Variants in THADA observed in about 807,000 individuals in gnomAD.
THADA encodes THADA armadillo repeat containing, also known as tRNA (32-2'-O)-methyltransferase regulator THADA.
A neutral mutation model predicts 219.8 loss-of-function variants in THADA; 213 were observed. The ratio of observed to expected loss-of-function variants is 0.97; its 90% CI spans 0.87 to 1.09. THADA has a LOEUF of 1.09. Ranked by LOEUF, THADA falls within the 50% of genes least tolerant of loss-of-function variation. THADA has a pLI of 0.00. For missense variants in THADA, 2,956 were observed against 2,311.3 expected (o/e 1.28, Z -5.72); for synonymous variants, 1,018 against 828.9 (o/e 1.23, Z -3.92).
chr2:43,348,799 T>C (rs1667932259), intron 29 of THADA, among the ~76,000 whole-genome samples: 1 of 152,114 alleles, frequency 6.6e-6, no homozygotes, highest in Non-Finnish European at 1.5e-5. Flanking sequence ...ATGAGTTTGG[T>C]TGGGAATATC....
chr2:43,512,603 A>C (rs1690636666), intron 22 of THADA, among the ~76,000 whole-genome samples: 1 of 152,198 alleles, frequency 6.6e-6, no homozygotes, highest in South Asian at 2.1e-4. Flanking sequence ...CCCAGATTCA[A>C]GTGATTCTCC....
At chr2:43,539,351 C>G (rs943132584) in intron 21 of THADA, among the ~76,000 whole-genome samples, 1 of 152,152 alleles carries the variant, frequency 6.6e-6, no homozygotes, top group Non-Finnish European at 1.5e-5. Context: ...ATTTTTAACT[C>G]TTAAAGGTTT....
chr2:43,489,874 C>CAAAAAAAAAAAAAAAAAAAAAAAAAAAA lies in THADA; in HGVS notation c.3745-4550_3745-4549insTTTTTTTTTTTTTTTTTTTTTTTTTTTT, dbSNP rs201735523. 5.7e-4 allele frequency among the ~76,000 whole-genome samples: 32 copies of CAAAAAAAAAAAAAAAAAAAAAAAAAAAA among 56,058 alleles called. 3 individuals carry two copies. The highest frequency in any genetic ancestry group is 1.5e-3 in the South Asian group (2 of 1,378). 36.8% of individuals were successfully genotyped at this position (56,058 alleles called of 152,430 possible). A position where few individuals can be genotyped will look rare whatever the true frequency, so the allele number is the denominator to read the frequency against. On this transcript the variant is annotated intron_variant, in intron 25 of 37. Transcript: ENST00000405975. Reference sequence around the variant, plus strand: ...ATTTCCATATGTATTTTAAGATCTGCAAAAAAAAAAAAAAAAAAAAGCTAG... The same window carrying CAAAAAAAAAAAAAAAAAAAAAAAAAAAA: ...ATTTCCATATGTATTTTAAGATCTGCAAAAAAAAAAAAAAAAAAAAAAAAAAAAAAAAAAAAAAAAAAAAAAAAGCTAG...
intron 15 of THADA, chr2:43,562,412 T>C (rs1342300198): frequency 6.6e-6 from 1 of 152,162 alleles, no homozygotes; most frequent in Admixed American, 6.6e-5. Flanking sequence ...GCCCGGCTAA[T>C]TTTTTGTATT....
chr2:43,274,804 T>G (rs1233330860), intron 36 of THADA, among the ~76,000 whole-genome samples: 1 of 152,096 alleles, frequency 6.6e-6, no homozygotes, highest in Non-Finnish European at 1.5e-5. Flanking sequence ...CCTGCTTGCC[T>G]ACCCACTATC....
chr2:43,421,329 C>CG (rs1309156699), intron 28 of THADA, among the ~76,000 whole-genome samples: 1 of 152,096 alleles, frequency 6.6e-6, no homozygotes. Flanking sequence ...GGCTGGGCAG[C>CG]GGGGGAAGGG....
intron 22 of THADA, among the ~76,000 whole-genome samples, chr2:43,526,918 GA>G (rs11323109): frequency 0.1 from 15,735 of 151,336 alleles, 884 homozygotes; most frequent in South Asian, 0.14. Flanking sequence ...TGTTTTGAGG[GA>G]AAAAAAAGTT....
At chr2:43,500,184 T>C (rs945894001) in intron 24 of THADA, among the ~76,000 whole-genome samples, 11 of 152,132 alleles carry the variant, frequency 7.2e-5, no homozygotes, top group Non-Finnish European at 1.6e-4. Flanking sequence ...TATGGTCTCA[T>C]TTATGTAAAA....
At chr2:43,558,498 T>C (rs532599765) in intron 16 of THADA, among the ~76,000 whole-genome samples, 65 of 152,264 alleles carry the variant, frequency 4.3e-4, no homozygotes, top group African/African-American at 1.5e-3. Context: ...GGCAGATCCA[T>C]CCTCCACCTG....
chr2:43,588,151 G>A (rs1367988601), intron 4 of THADA, among the ~76,000 whole-genome samples: 1 of 152,026 alleles, frequency 6.6e-6, no homozygotes, highest in Non-Finnish European at 1.5e-5. Flanking sequence ...AACACAATAA[G>A]GTGGCATTCC....
chr2:43,279,002 G>A (rs1673040200), intron 36 of THADA, among the ~76,000 whole-genome samples: 1 of 152,130 alleles, frequency 6.6e-6, no homozygotes. Flanking sequence ...CAGAGAATCC[G>A]AGTCTGCTAA....
intron 30 of THADA, among the ~76,000 whole-genome samples, chr2:43,336,956 G>A (rs767582679): frequency 6.6e-6 from 1 of 152,188 alleles, no homozygotes; most frequent in African/African-American, 2.4e-5. Context: ...GTGGCCACGT[G>A]GGAATTTGAG....
In THADA at chr2:43,574,867, A is replaced by G; in HGVS notation, c.1198T>C (p.Trp400Arg). Residue 400 changes from tryptophan to arginine, a missense_variant, in exon 11 of 38, where the codon TGG becomes CGG. Transcript: ENST00000405975. ...GRLLEYVYTH[W>R]EHPLDALRHQ... ...CTCAGAGCATCCAATGGATGTTCCC[A>G]ATGGGTATAGACATATTCCAAAAGT... is the stretch of plus-strand genomic sequence containing the variant. 1 of 1,614,036 alleles carries G rather than the reference A, an allele frequency of 6.2e-7. No homozygotes were observed. The highest frequency in any genetic ancestry group is 1.3e-5 in the African/African-American group (1 of 75,046).
chr2:43,496,838 T>C (rs13022691), intron 25 of THADA, among the ~76,000 whole-genome samples: 31,917 of 152,068 alleles, frequency 0.21, 3,486 homozygotes, highest in Middle Eastern at 0.29. Flanking sequence ...TCAGATAATT[T>C]ATACATTATA....
intron 29 of THADA, among the ~76,000 whole-genome samples, chr2:43,346,597 G>C (rs548287808): frequency 1.6e-4 from 24 of 152,328 alleles, no homozygotes; most frequent in African/African-American, 5.5e-4. Flanking sequence ...CAAGGAGGAT[G>C]ATTAACTGCC....
At chr2:43,527,361 T>C (rs986082228) in intron 22 of THADA, among the ~76,000 whole-genome samples, 1 of 152,236 alleles carries the variant, frequency 6.6e-6, no homozygotes, top group African/African-American at 2.4e-5. Context: ...TGTCAAGAAA[T>C]ACATTTGGTT....
intron 12 of THADA, 78 bp downstream of exon 12, chr2:43,572,736 T>C (rs1699431343): frequency 1.5e-6 from 2 of 1,319,888 alleles, no homozygotes; most frequent in East Asian, 2.4e-5. Context: ...CAGGATACAA[T>C]GTAGGGGCCT....
chr2:43,415,086 G>A (rs948146784), intron 28 of THADA, among the ~76,000 whole-genome samples: 1 of 152,114 alleles, frequency 6.6e-6, no homozygotes, highest in Non-Finnish European at 1.5e-5. Flanking sequence ...TCTCCCCAAC[G>A]TATTCTATTT....
At chr2:43,283,512 G>GA (rs1673619035) in intron 35 of THADA, among the ~76,000 whole-genome samples, 1 of 152,218 alleles carries the variant, frequency 6.6e-6, no homozygotes, top group African/African-American at 2.4e-5. Flanking sequence ...TATGGGCAAT[G>GA]AAGTCCAGAC....
Sources: allele counts gnomAD v4.1 joint callset (sites outside exome capture counted in the v4.1 genomes callset), GRCh38; gene constraint gnomAD v4.1.1; transcripts MANE v1.5; gene names NCBI Gene and HGNC (gene_info 2026-07-23, HGNC 2026-07-21).